Variants in CNTN1 observed in about 807,000 individuals in gnomAD.
CNTN1 encodes the protein contactin 1.
In CNTN1, 38 loss-of-function variants were observed where a neutral mutation model predicts 126.4. That is an observed-to-expected ratio of 0.30 (90% CI 0.23 to 0.39). The LOEUF (loss-of-function observed/expected upper bound fraction) is 0.39. Among genes scored for constraint, CNTN1 ranks in the 10% least tolerant of loss-of-function variants. The pLI is 1.00. For missense variants in CNTN1, 1,009 were observed against 1,248.4 expected (o/e 0.81, Z 2.89); for synonymous variants, 413 against 422.6 (o/e 0.98, Z 0.28).
chr12:40,792,654 T>C (rs1940262981), intron 1 of CNTN1, among the ~76,000 whole-genome samples: 1 of 152,100 alleles, frequency 6.6e-6, no homozygotes, highest in Admixed American at 6.6e-5. Context: ...TTCTACTTTT[T>C]ATCTTGATAT....
chr12:40,831,606 G>A (rs1024556168), intron 1 of CNTN1, among the ~76,000 whole-genome samples: 5 of 152,120 alleles, frequency 3.3e-5, no homozygotes, highest in Admixed American at 6.5e-5. Flanking sequence ...CTTAAGGGTT[G>A]ACTCTGAGGA....
At chr12:41,065,098 C>T (rs769795276) in intron 23 of CNTN1, among the ~76,000 whole-genome samples, 5 of 152,164 alleles carry the variant, frequency 3.3e-5, no homozygotes, top group East Asian at 3.9e-4. Context: ...CTCTGTCGCC[C>T]GGGCTGGAGT....
chr12:40,890,808 C>T (rs781443851), intron 1 of CNTN1, among the ~76,000 whole-genome samples: 8 of 152,144 alleles, frequency 5.3e-5, no homozygotes, highest in Non-Finnish European at 1.0e-4. Flanking sequence ...TATAAACATC[C>T]TTGTGCCAGT....
intron 1 of CNTN1, among the ~76,000 whole-genome samples, chr12:40,832,988 C>G (rs1323051906): frequency 6.6e-6 from 1 of 152,182 alleles, no homozygotes; most frequent in Non-Finnish European, 1.5e-5. Flanking sequence ...CTGACCAGCC[C>G]CAGTTCTTCT....
At chr12:41,040,177 C>G (rs145646835) in intron 23 of CNTN1, among the ~76,000 whole-genome samples, 34 of 152,200 alleles carry the variant, frequency 2.2e-4, no homozygotes, top group African/African-American at 7.9e-4. Flanking sequence ...AGAAGCTCCT[C>G]AGAAAAACCT....
intron 17 of CNTN1, among the ~76,000 whole-genome samples, chr12:41,001,239 T>A (rs1188178062): frequency 6.6e-6 from 1 of 152,132 alleles, no homozygotes; most frequent in Non-Finnish European, 1.5e-5. Flanking sequence ...AAGTGTTCCC[T>A]TTTTCTCCAC....
intron 15 of CNTN1, chr12:40,971,543 C>CTTT: frequency 8.0e-7 from 1 of 1,245,310 alleles, no homozygotes; most frequent in South Asian, 1.4e-5. Flanking sequence ...CTGTGAAAGA[C>CTTT]TTTTTTTTTT....
At chr12:40,764,820 G>A (rs1939012767) in intron 1 of CNTN1, among the ~76,000 whole-genome samples, 1 of 152,106 alleles carries the variant, frequency 6.6e-6, no homozygotes, top group African/African-American at 2.4e-5. Flanking sequence ...TACTCTCCAG[G>A]CATTGTTGGA....
intron 1 of CNTN1, among the ~76,000 whole-genome samples, chr12:40,795,566 G>A (rs55838880): frequency 0.24 from 34,586 of 144,772 alleles, 4,468 homozygotes; most frequent in South Asian, 0.35. Flanking sequence ...AGGTTCTGTT[G>A]GTTCTGAAAA....
intron 17 of CNTN1, 101 bp from the exon 18 acceptor site, chr12:41,014,127 A>G (rs1948727480): frequency 9.6e-7 from 1 of 1,046,170 alleles, no homozygotes; most frequent in South Asian, 1.4e-5. Context: ...TAAAAGAAAA[A>G]CATTTGTGGT....
intron 1 of CNTN1, among the ~76,000 whole-genome samples, chr12:40,842,891 G>A (rs1397954629): frequency 1.3e-5 from 2 of 152,036 alleles, no homozygotes; most frequent in African/African-American, 4.8e-5. Context: ...TGTAGTAGTC[G>A]ATCTTGTTTT....
intron 1 of CNTN1, among the ~76,000 whole-genome samples, chr12:40,820,255 G>A (rs1357129780): frequency 1.3e-5 from 2 of 152,146 alleles, no homozygotes; most frequent in Non-Finnish European, 2.9e-5. Context: ...ACCTCTGATG[G>A]AGGGCATTAC....
At chr12:41,030,510 G>T (rs1342669546) in intron 23 of CNTN1, among the ~76,000 whole-genome samples, 1 of 151,968 alleles carries the variant, frequency 6.6e-6, no homozygotes, top group African/African-American at 2.4e-5. Flanking sequence ...TACTGTTAAT[G>T]CTTAGTTGAA....
At chr12:40,793,676 T>C (rs1940304412) in intron 1 of CNTN1, among the ~76,000 whole-genome samples, 1 of 152,040 alleles carries the variant, frequency 6.6e-6, no homozygotes, top group Non-Finnish European at 1.5e-5. Context: ...GGCTTCCTCT[T>C]CCTGGAATCA....
rs569585592 is a variant in CNTN1, at chr12:40,944,261, ATCT to A, written c.1683+93_1683+95del. On this transcript the variant is annotated intron_variant, in intron 14 of 23. Coordinates refer to ENST00000551295, the MANE Select transcript of CNTN1 (RefSeq NM_001843.4). ...TATTACTATAATCACATTTTATATC[ATCT>A]TTGTTTTTCATGAGACCAAAAAGCA... 4.8e-6 allele frequency: 6 copies of A among 1,254,838 alleles called. No individual in the cohort carries two copies. The East Asian group carries it at 9.7e-5, about 20-fold the overall frequency. 77.7% of individuals were successfully genotyped at this position (1,254,838 alleles called of 1,614,324 possible). A position where few individuals can be genotyped will look rare whatever the true frequency, so the allele number is the denominator to read the frequency against.
chr12:41,020,554 T>C lies in CNTN1; in HGVS notation c.2523+114T>C. 5.7e-6 allele frequency: 4 copies of C among 705,220 alleles called. No individual in the cohort carries two copies. The South Asian group carries it at 6.9e-5, about 12-fold the overall frequency. The allele number at this position is 705,220 out of a possible 1,614,324, so 43.7% of individuals were successfully genotyped here. The stretch of plus-strand genomic sequence containing the variant: ...TTAATTTATGTGGCAACTAATACTT[T>C]ATTCTCTGTGTCTAGTATTGTGGTC... On this transcript the variant is annotated intron_variant, in intron 20 of 23. Coordinates refer to ENST00000551295, the MANE Select transcript of CNTN1 (RefSeq NM_001843.4).
intron 1 of CNTN1, among the ~76,000 whole-genome samples, chr12:40,759,598 TAGGACCAC>T (rs1291966094): frequency 1.3e-5 from 2 of 151,746 alleles, no homozygotes; most frequent in Non-Finnish European, 2.9e-5. Context: ...CCCAAGTAGC[TAGGACCAC>T]AGGCACCCAC....
chr12:40,830,791 GTA>G (rs10592423), intron 1 of CNTN1, among the ~76,000 whole-genome samples: 7,301 of 75,224 alleles, frequency 0.097, 387 homozygotes, highest in South Asian at 0.18. Context: ...AAAGTATAGT[GTA>G]TATATATATA....
At chr12:40,749,552 A>AGTGAAGCGGTGTGAGGGGGAGAGCC (rs1319509458) in intron 1 of CNTN1, among the ~76,000 whole-genome samples, 3 of 144,026 alleles carry the variant, frequency 2.1e-5, no homozygotes, top group East Asian at 2.0e-4. Context: ...GGGTGAGGTC[A>AGTGAAGCGGTGTGAGGGGGAGAGCC]TAAAGAAAAT....
Sources: gnomAD v4.1 joint callset for allele counts (sites outside exome capture counted in the v4.1 genomes callset) on GRCh38, gnomAD v4.1.1 for gene constraint, MANE v1.5 for transcripts, NCBI Gene and HGNC (gene_info 2026-07-23, HGNC 2026-07-21) for gene names.